The following ATP10A variants were observed in gnomAD, a reference collection of about 807,000 sequenced individuals.
ATP10A encodes the protein phospholipid-transporting ATPase VA.
ATP10A carries 111 observed loss-of-function variants against 147.8 expected under a neutral mutation model. That is an observed-to-expected ratio of 0.75 (90% CI 0.64 to 0.88). ATP10A has a LOEUF of 0.88. ATP10A is among the 40% of genes least tolerant of loss of function. ATP10A has a pLI of 0.00. For synonymous variants in ATP10A, 875 were observed against 841.6 expected (o/e 1.04, Z -0.69); for missense variants, 1,927 against 1,959.0 (o/e 0.98, Z 0.31).
At chr15:25,840,241 A>G (rs1270440120) in intron 1 of ATP10A, among the ~76,000 whole-genome samples, 2 of 152,140 alleles carry the variant, frequency 1.3e-5, no homozygotes, top group Non-Finnish European at 2.9e-5. Context: ...AAGGTTTGTT[A>G]CATTGGTAAA....
intron 1 of ATP10A, among the ~76,000 whole-genome samples, chr15:25,848,116 C>T (rs918606706): frequency 1.3e-5 from 1 of 79,954 alleles, no homozygotes; most frequent in Non-Finnish European, 2.6e-5. Flanking sequence ...AAGACCTGGC[C>T]TCTAAAAAGT....
intron 1 of ATP10A, among the ~76,000 whole-genome samples, chr15:25,840,142 C>T (rs369263265): frequency 6.6e-6 from 1 of 152,144 alleles, no homozygotes; most frequent in African/African-American, 2.4e-5. Flanking sequence ...TGGGATCACG[C>T]AGCATATATC....
At chr15:25,852,456 G>A (rs1303897511) in intron 1 of ATP10A, among the ~76,000 whole-genome samples, 2 of 152,044 alleles carry the variant, frequency 1.3e-5, no homozygotes, top group Non-Finnish European at 2.9e-5. Context: ...CGCAAAATAT[G>A]GCACTTTGAT....
intron 2 of ATP10A, among the ~76,000 whole-genome samples, chr15:25,741,043 C>G (rs1887555432): frequency 6.6e-6 from 1 of 152,178 alleles, no homozygotes; most frequent in African/African-American, 2.4e-5. Context: ...CTGGAGAAGC[C>G]TTCCTGACGG....
Position 25,716,910 on chromosome 15 carries a change from C to T in ATP10A, c.1596G>A (p.Thr532=), listed in dbSNP as rs115618637. 801 of 1,577,756 alleles carry T rather than the reference C, an allele frequency of 5.1e-4. 3 individuals carry two copies. In the African/African-American group the frequency reaches 0.01, roughly 20 times the overall value. Residue 532 remains threonine, a synonymous_variant, in exon 9 of 21, where the codon ACG becomes ACA. Transcript: ENST00000555815. ...AFSSPMEKDI[T]PDPKLLEKVS... ...CCTTCTCCAGCAGCTTTGGGTCGGG[C>T]GTGATATCCTTCTCCTGGGAGAAAG...
intron 13 of ATP10A, among the ~76,000 whole-genome samples, chr15:25,701,145 G>A (rs1286486471): frequency 2.0e-5 from 3 of 152,316 alleles, no homozygotes; most frequent in East Asian, 1.9e-4. Context: ...CCTTTCCTAC[G>A]CTTACAGATG....
intron 6 of ATP10A, among the ~76,000 whole-genome samples, chr15:25,722,661 A>G (rs1902315889): frequency 6.6e-6 from 1 of 152,198 alleles, no homozygotes; most frequent in Non-Finnish European, 1.5e-5. Flanking sequence ...CTAGAACAAA[A>G]TTTGCATTTA....
At chr15:25,838,294 C>A (rs1892674191) in intron 1 of ATP10A, among the ~76,000 whole-genome samples, 1 of 152,138 alleles carries the variant, frequency 6.6e-6, no homozygotes, top group African/African-American at 2.4e-5. Flanking sequence ...GAATATACTG[C>A]CCATCTCACC....
At chr15:25,727,700 C>T (rs182186909) in intron 3 of ATP10A, among the ~76,000 whole-genome samples, 5 of 152,198 alleles carry the variant, frequency 3.3e-5, no homozygotes, top group African/African-American at 9.6e-5. Context: ...CAAAAGGGGA[C>T]GATATTGGTT....
chr15:25,814,386 T>A (rs1404582050), intron 1 of ATP10A, among the ~76,000 whole-genome samples: 2 of 152,130 alleles, frequency 1.3e-5, no homozygotes, highest in East Asian at 3.8e-4. Context: ...TTCAACGAAG[T>A]CCTTCAGGCA....
At chr15:25,769,567 G>A (rs960199540) in intron 2 of ATP10A, among the ~76,000 whole-genome samples, 6 of 151,716 alleles carry the variant, frequency 4.0e-5, no homozygotes, top group East Asian at 1.9e-4. Flanking sequence ...GCAGCCAGCC[G>A]GGGAAGTGGC....
intron 1 of ATP10A, among the ~76,000 whole-genome samples, chr15:25,838,117 T>C (rs958219084): frequency 6.6e-6 from 1 of 152,146 alleles, no homozygotes; most frequent in Non-Finnish European, 1.5e-5. Context: ...AGAGCAATGA[T>C]GATGAAAGGT....
chr15:25,695,932 GA>G lies in ATP10A; in HGVS notation c.2761-787del, dbSNP rs768415168. ...AAGTTCTCCAATTCTGCCAGGAAAA[GA>G]AAAAAAAAAAAGCACAATTACGGAG... On this transcript the variant is annotated intron_variant, in intron 13 of 20. Transcript: ENST00000555815. Among the ~76,000 whole-genome samples the G allele has an allele frequency of 6.4e-3, 874 of 135,714 alleles. 3 individuals are homozygous for G. Among genetic ancestry groups the G allele is most frequent in the Middle Eastern group, 0.037 (10 of 268 alleles). The allele number at this position is 135,714 out of a possible 152,430, so 89.0% of individuals were successfully genotyped here. A position where few individuals can be genotyped will look rare whatever the true frequency, so the allele number is the denominator to read the frequency against.
rs115378567 is a variant in ATP10A at position 25,683,749 on chromosome 15, G to A, written c.3292-263C>T. 910 of 514,624 alleles carry A rather than the reference G, an allele frequency of 1.8e-3. 9 individuals carry two copies. The highest frequency in any genetic ancestry group is 0.015 in the African/African-American group (801 of 52,262). The allele number at this position is 514,624 out of a possible 1,614,324, so 31.9% of individuals were successfully genotyped here. On this transcript the variant is annotated intron_variant, in intron 16 of 20. Coordinates refer to ENST00000555815, the MANE Select transcript of ATP10A (RefSeq NM_024490.4). ...GGGAATTCCCAGGAGCAGCACTTGCGGGGATGAGATTTTTGTGCTTGACAA... is the reference window on the plus strand; with the variant it reads ...GGGAATTCCCAGGAGCAGCACTTGCAGGGATGAGATTTTTGTGCTTGACAA...
intron 10 of ATP10A, 71 bp downstream of exon 10, chr15:25,713,603 G>A (rs954991437): frequency 7.1e-7 from 1 of 1,410,298 alleles, no homozygotes. Context: ...TCAAGAGAAG[G>A]AATTGGGTGG....
At chr15:25,735,001 AGCGGGGGGGGG>A (rs1444352721) in intron 3 of ATP10A, among the ~76,000 whole-genome samples, 3 of 1,714 alleles carry the variant, frequency 1.8e-3, no homozygotes, top group Non-Finnish European at 6.4e-3. Context: ...GCGTGGTGGG[AGCGGGGGGGGG>A]GTGGGGGGGT....
upstream of ATP10A, chr15:25,863,574 C>CGGGG (rs1893875900): frequency 1.3e-5 from 2 of 152,438 alleles, no homozygotes; most frequent in Non-Finnish European, 2.9e-5. Flanking sequence ...AACCGCGAAG[C>CGGGG]GCGAGAAAAG....
chr15:25,811,471 C>G (rs1168338567), intron 1 of ATP10A, among the ~76,000 whole-genome samples: 2 of 152,178 alleles, frequency 1.3e-5, no homozygotes, highest in South Asian at 2.1e-4. Context: ...ATGCTAGAAG[C>G]CTTCCAATGA....
At chr15:25,785,136 A>T (rs1890096939) in intron 1 of ATP10A, among the ~76,000 whole-genome samples, 1 of 152,106 alleles carries the variant, frequency 6.6e-6, no homozygotes, top group Admixed American at 6.5e-5. Flanking sequence ...CTGGGCCCAC[A>T]TCAACCCTGC....
Sources: gnomAD v4.1 joint callset for allele counts (sites outside exome capture counted in the v4.1 genomes callset) on GRCh38, gnomAD v4.1.1 for gene constraint, MANE v1.5 for transcripts, NCBI Gene and HGNC (gene_info 2026-07-23, HGNC 2026-07-21) for gene names.